Variants in BMP8B observed in about 807,000 individuals in gnomAD.
BMP8B encodes the protein bone morphogenetic protein 8 (osteogenic protein 2).
In BMP8B, 17 loss-of-function variants were observed where a neutral mutation model predicts 30.3. The ratio of observed to expected loss-of-function variants is 0.56; its 90% CI spans 0.38 to 0.84. The LOEUF (loss-of-function observed/expected upper bound fraction) is 0.84, where lower values mean the gene tolerates loss of function less well. Among genes scored for constraint, BMP8B ranks in the 40% least tolerant of loss-of-function variants. The probability of loss-of-function intolerance (pLI) is 0.00; values close to 1 mark genes in which losing one functional copy is unlikely to be tolerated. For missense variants in BMP8B, 253 were observed against 494.6 expected (o/e 0.51, Z 4.63); for synonymous variants, 131 against 214.7 (o/e 0.61, Z 3.41).
At chr1:39,762,838 G>A (rs1649186383) in intron 6 of BMP8B, among the ~76,000 whole-genome samples, 1 of 152,222 alleles carries the variant, frequency 6.6e-6, no homozygotes, top group Admixed American at 6.5e-5. Flanking sequence ...GAGTTTGTTC[G>A]GTGCATAGAA....
chr1:39,766,036 GAAAA>G (rs112766961), intron 3 of BMP8B, among the ~76,000 whole-genome samples: 5 of 149,652 alleles, frequency 3.3e-5, no homozygotes, highest in African/African-American at 1.2e-4. Flanking sequence ...TGTGTTTCAA[GAAAA>G]AAAAAACAAA....
intron 1 of BMP8B, among the ~76,000 whole-genome samples, chr1:39,782,612 C>T (rs1050818839): frequency 1.3e-5 from 2 of 152,144 alleles, no homozygotes; most frequent in South Asian, 2.1e-4. Flanking sequence ...GGATTACAGG[C>T]GCCTGCCACC....
chr1:39,760,693 C>T, intron 6 of BMP8B, 125 bp from the exon 7 acceptor site: 1 of 1,260,340 alleles, frequency 7.9e-7, no homozygotes, highest in Non-Finnish European at 1.1e-6. Flanking sequence ...GGGAGCAGCA[C>T]AATAATAATA....
chr1:39,762,882 G>A (rs932942579), intron 6 of BMP8B, among the ~76,000 whole-genome samples: 11 of 152,264 alleles, frequency 7.2e-5, no homozygotes, highest in Admixed American at 1.3e-4. Context: ...ACGTATGTCC[G>A]TGTTTGGGTG....
chr1:39,762,045 G>T (rs886803713), intron 6 of BMP8B, among the ~76,000 whole-genome samples: 5 of 152,222 alleles, frequency 3.3e-5, no homozygotes, highest in African/African-American at 1.2e-4. Flanking sequence ...ACGGCATAAA[G>T]GGTGGCTGGG....
chr1:39,781,879 G>GGAT (rs1650660208), intron 1 of BMP8B, among the ~76,000 whole-genome samples: 1 of 152,194 alleles, frequency 6.6e-6, no homozygotes, highest in Non-Finnish European at 1.5e-5. Flanking sequence ...GAGAAGGGTA[G>GGAT]GGCGTGGTGG....
chr1:39,775,595 G>A (rs1421909925), intron 1 of BMP8B, among the ~76,000 whole-genome samples: 2 of 152,232 alleles, frequency 1.3e-5, no homozygotes, highest in East Asian at 1.9e-4. Flanking sequence ...GCATGAGTGC[G>A]AATCTGCCAT....
intron 1 of BMP8B, among the ~76,000 whole-genome samples, chr1:39,777,089 T>C (rs1352333745): frequency 6.6e-6 from 1 of 152,202 alleles, no homozygotes; most frequent in Non-Finnish European, 1.5e-5. Context: ...GCGTTGCTGA[T>C]AGGAATGCTG....
At position 39,760,512 on chromosome 1, in the gene BMP8B, C is replaced by T. The variant is rs1648798741; in HGVS notation, c.1116G>A (p.Leu372=). The T allele has an allele frequency of 1.2e-6, 2 of 1,614,022 alleles. No homozygotes were observed. Among genetic ancestry groups the T allele is most frequent in the Non-Finnish European group, 1.7e-6 (2 of 1,180,034 alleles). The stretch of plus-strand genomic sequence containing the variant: ...CATAGTAGAGCACAGAGGTGGCGCT[C>T]AGCTTGGTGGGTGCACAGCACGCCT... ...VPKACCAPTK[L]SATSVLYYDS... is the part of the protein sequence containing the mutation. Residue 372 remains leucine, a synonymous_variant, in exon 7 of 7, where the codon CTG becomes CTA. Transcript: ENST00000372827.
intron 3 of BMP8B, among the ~76,000 whole-genome samples, chr1:39,766,873 G>C (rs1649649281): frequency 6.6e-6 from 1 of 151,308 alleles, no homozygotes; most frequent in African/African-American, 2.4e-5. Context: ...CCTGAGTGGG[G>C]TGGTGGTGGT....
intron 1 of BMP8B, among the ~76,000 whole-genome samples, chr1:39,779,094 C>T (rs1650437997): frequency 1.3e-5 from 2 of 152,140 alleles, no homozygotes; most frequent in South Asian, 2.1e-4. Context: ...AATGAGTGGC[C>T]CTGGAGTTCA....
Position 39,774,902 on chromosome 1 carries a change from G to A in BMP8B, c.471C>T (p.Leu157=). The A allele has an allele frequency of 9.6e-7, 1 of 1,046,312 alleles. No individual in the cohort carries two copies. The highest frequency in any genetic ancestry group is 2.3e-5 in the Admixed American group (1 of 44,426). 64.8% of individuals were successfully genotyped at this position (1,046,312 alleles called of 1,614,324 possible). ...RIYKVPSIHL[L]NRTLHVSMFQ... ...ACATGCTGACGTGGAGGGTCCTGTT[G>A]AGCAGGTGGATGCTGGGCACCTTGT... Residue 157 remains leucine, a synonymous_variant, in exon 2 of 7, where the codon CTC becomes CTT. Coordinates refer to ENST00000372827, the MANE Select transcript of BMP8B (RefSeq NM_001720.5).
intron 1 of BMP8B, among the ~76,000 whole-genome samples, chr1:39,783,667 G>A (rs1650802775): frequency 1.3e-5 from 2 of 152,252 alleles, no homozygotes; most frequent in South Asian, 2.1e-4. Flanking sequence ...CAGCACTTTG[G>A]GAGGCTGAGG....
intron 1 of BMP8B, among the ~76,000 whole-genome samples, chr1:39,787,782 C>T (rs397834225): frequency 7.2e-5 from 11 of 152,218 alleles, no homozygotes; most frequent in Non-Finnish European, 1.0e-4. Flanking sequence ...CTCAGTACTG[C>T]CCTTATCACA....
Position 39,760,272 on chromosome 1 carries a change from T to G in BMP8B, c.*147A>C. The stretch of plus-strand genomic sequence containing the variant: ...GCAAGGGGAGCATAGGAGCCTGGCA[T>G]GAAGGAGAAAGGGTCATGTACGTGG... On this transcript the variant is annotated 3_prime_UTR_variant, in exon 7 of 7. Coordinates refer to ENST00000372827, the MANE Select transcript of BMP8B (RefSeq NM_001720.5). 2.3e-6 allele frequency: 3 copies of G among 1,293,096 alleles called. No individual in the cohort carries two copies. The highest frequency in any genetic ancestry group is 3.1e-6 in the Non-Finnish European group (3 of 956,006). 80.1% of individuals were successfully genotyped at this position (1,293,096 alleles called of 1,614,324 possible).
In BMP8B at chr1:39,788,441, T is replaced by A; in HGVS notation, c.45A>T (p.Leu15=). ...CGGGGCCGCCCCCGCCCAGCGCGCA[T>A]AGCGCCAGGCCCAGGAGCCAGAGCG... ...PGPLWLLGLA[L]CALGGGGPGL... Residue 15 remains leucine (L), a synonymous_variant, in exon 1 of 7, where the codon CTA becomes CTT. Transcript: ENST00000372827. This position sits in a 1 kb window ranked among gnomAD's most constrained non-coding sequence, Gnocchi z 5.8. The A allele has an allele frequency of 9.7e-7, 1 of 1,033,766 alleles. No individual in the cohort carries two copies. Among genetic ancestry groups the A allele is most frequent in the Non-Finnish European group, 1.2e-6 (1 of 863,118 alleles). 64.0% of individuals were successfully genotyped at this position (1,033,766 alleles called of 1,614,324 possible). A position where few individuals can be genotyped will look rare whatever the true frequency, so the allele number is the denominator to read the frequency against.
intron 1 of BMP8B, among the ~76,000 whole-genome samples, chr1:39,778,424 T>C (rs1650383558): frequency 6.6e-6 from 1 of 151,206 alleles, no homozygotes; most frequent in Non-Finnish European, 1.5e-5. Flanking sequence ...AAAAGAAGGC[T>C]TGGGCCCCAC....
chr1:39,785,813 C>G lies in BMP8B; in HGVS notation c.334+2339G>C, dbSNP rs141587577. Among the ~76,000 whole-genome samples, 106 of 152,330 alleles carry G rather than the reference C, an allele frequency of 7.0e-4. 2 individuals are homozygous for G. The East Asian group carries it at 0.019, about 27-fold the overall frequency. ...TGGTATGTGTCTAATCCATGCCCCC[C>G]CACCGCCCCACCCAGCCTCAGTAAT... On this transcript the variant is annotated intron_variant, in intron 1 of 6. Coordinates refer to ENST00000372827, the MANE Select transcript of BMP8B (RefSeq NM_001720.5).
At chr1:39,769,381 G>A (rs1649792877) in intron 3 of BMP8B, 2 of 252,872 alleles carry the variant, frequency 7.9e-6, no homozygotes, top group Non-Finnish European at 1.5e-5. Context: ...CAAGTACGAG[G>A]GAGGCGCTTG....
Sources: allele counts gnomAD v4.1 joint callset (sites outside exome capture counted in the v4.1 genomes callset), GRCh38; gene constraint gnomAD v4.1.1; non-coding constraint Gnocchi (gnomAD v3.1); transcripts MANE v1.5; gene names NCBI Gene and HGNC (gene_info 2026-07-23, HGNC 2026-07-21).